Variants in TAFA5 observed in about 807,000 individuals in gnomAD.
The protein encoded by TAFA5 is TAFA chemokine like family member 5.
In TAFA5, 6 loss-of-function variants were observed where a neutral mutation model predicts 15.3. The ratio of observed to expected loss-of-function variants is 0.39; its 90% CI spans 0.21 to 0.77. The LOEUF (loss-of-function observed/expected upper bound fraction) is 0.77, where lower values mean the gene tolerates loss of function less well. Among genes scored for constraint, TAFA5 ranks in the 30% least tolerant of loss-of-function variants. The pLI, the probability that TAFA5 is intolerant of heterozygous loss-of-function variation, is 0.41. For missense variants in TAFA5, 161 were observed against 193.1 expected (o/e 0.83, Z 0.98); for synonymous variants, 103 against 80.7 (o/e 1.28, Z -1.48).
intron 1 of TAFA5, among the ~76,000 whole-genome samples, chr22:48,508,352 A>G (rs1434583437): frequency 2.0e-5 from 3 of 152,218 alleles, no homozygotes; most frequent in African/African-American, 4.8e-5. Context: ...GAGCTGGCCA[A>G]TGTGGCTACC....
intron 3 of TAFA5, among the ~76,000 whole-genome samples, chr22:48,739,070 C>T (rs747977781): frequency 1.3e-5 from 2 of 152,204 alleles, no homozygotes; most frequent in African/African-American, 2.4e-5. Context: ...TCTGCAAAAG[C>T]AGCAGCTCCA....
At chr22:48,576,433 A>G (rs367548223) in intron 1 of TAFA5, 2 of 1,336,714 alleles carry the variant, frequency 1.5e-6, no homozygotes, top group Admixed American at 3.0e-5. Flanking sequence ...CGGCGCCTGG[A>G]CCTTCGCTGC....
chr22:48,622,597 A>G lies in TAFA5; in HGVS notation c.113-24000A>G, dbSNP rs531280905. On this transcript the variant is annotated intron_variant, in intron 1 of 3. Coordinates refer to ENST00000402357, the MANE Select transcript of TAFA5 (RefSeq NM_001082967.3). ...AGCTGGCCGAGGTTGAGGCTCTGCC[A>G]AGAAGAGGGCTCGGAGGAGCCTGAC... 2.6e-5 allele frequency among the ~76,000 whole-genome samples: 4 copies of G among 152,326 alleles called. No individual in the cohort carries two copies. In the South Asian group the frequency reaches 8.3e-4, roughly 32 times the overall value.
At chr22:48,715,591 T>C (rs1929379829) in intron 3 of TAFA5, among the ~76,000 whole-genome samples, 1 of 152,200 alleles carries the variant, frequency 6.6e-6, no homozygotes, top group South Asian at 2.1e-4. Context: ...GGTGTGGTTG[T>C]GACCCCATGT....
chr22:48,741,021 C>T (rs774903732), intron 3 of TAFA5, among the ~76,000 whole-genome samples: 5 of 152,092 alleles, frequency 3.3e-5, no homozygotes, highest in Non-Finnish European at 5.9e-5. Context: ...CCAACGTCCC[C>T]GAGGATGTAG....
intron 1 of TAFA5, among the ~76,000 whole-genome samples, chr22:48,585,034 TACCACACGCAC>T (rs1291109256): frequency 3.0e-5 from 2 of 67,374 alleles, no homozygotes; most frequent in African/African-American, 1.4e-4. Context: ...ACACACTAGA[TACCACACGCAC>T]ACCACTCACA....
At chr22:48,545,626 G>T (rs1922637221) in intron 1 of TAFA5, 1 of 152,734 alleles carries the variant, frequency 6.5e-6, no homozygotes, top group Non-Finnish European at 1.5e-5. Flanking sequence ...GCTATTCCTG[G>T]GCAGACAGGG....
intron 2 of TAFA5, among the ~76,000 whole-genome samples, chr22:48,694,846 C>A (rs1156592066): frequency 7.3e-6 from 1 of 137,150 alleles, no homozygotes; most frequent in East Asian, 2.2e-4. Flanking sequence ...CCCCACCCCC[C>A]GCCGCTCCAG....
At chr22:48,577,131 C>G (rs914267070) in intron 1 of TAFA5, among the ~76,000 whole-genome samples, 1 of 152,256 alleles carries the variant, frequency 6.6e-6, no homozygotes, top group African/African-American at 2.4e-5. Context: ...GCGCAGGTCC[C>G]CGCGCCAAGT....
At chr22:48,612,587 C>T (rs891106030) in intron 1 of TAFA5, among the ~76,000 whole-genome samples, 23 of 152,126 alleles carry the variant, frequency 1.5e-4, no homozygotes, top group African/African-American at 5.1e-4. Context: ...GAGGTGCCCC[C>T]GCCCCACCTG....
chr22:48,612,090 T>C (rs73173444), intron 1 of TAFA5, among the ~76,000 whole-genome samples: 7,653 of 152,114 alleles, frequency 0.05, 218 homozygotes, highest in South Asian at 0.14. Context: ...GTGCCTGTGG[T>C]CAGGGCCAGA....
intron 3 of TAFA5, among the ~76,000 whole-genome samples, chr22:48,710,635 G>T (rs1929222877): frequency 6.6e-6 from 1 of 152,234 alleles, no homozygotes. Context: ...TGTCAGCTCA[G>T]TCCAAGCCCA....
chr22:48,679,720 GGC>G (rs1928114886), intron 2 of TAFA5, among the ~76,000 whole-genome samples: 1 of 101,672 alleles, frequency 9.8e-6, no homozygotes, highest in Admixed American at 1.2e-4. Context: ...TCCCTCTCCC[GGC>G]TCCCCGTCCA....
At chr22:48,558,061 T>C (rs1392900936) in intron 1 of TAFA5, among the ~76,000 whole-genome samples, 1 of 152,120 alleles carries the variant, frequency 6.6e-6, no homozygotes, top group Non-Finnish European at 1.5e-5. Context: ...CTTTAGATTC[T>C]GCACCTCACC....
intron 2 of TAFA5, among the ~76,000 whole-genome samples, chr22:48,667,518 C>T (rs147654113): frequency 6.6e-6 from 1 of 152,300 alleles, no homozygotes; most frequent in East Asian, 1.9e-4. Context: ...ACGTGAGTGC[C>T]CCTCCCGCCT....
rs143683205 is a variant in TAFA5 at position 48,675,173 on chromosome 22, G to T, written c.262+28427G>T. ...GCCAGGCTGGTCTCGAACTCCTGAC[G>T]TCAGGTGATCCACCCACCTCGGCCT... On this transcript the variant is annotated intron_variant, in intron 2 of 3. Coordinates refer to ENST00000402357, the MANE Select transcript of TAFA5 (RefSeq NM_001082967.3). Among the ~76,000 whole-genome samples, 1,060 of 152,266 alleles carry T rather than the reference G, an allele frequency of 7.0e-3. 14 individuals are homozygous for T. Among genetic ancestry groups the T allele is most frequent in the African/African-American group, 0.024 (1,012 of 41,566 alleles).
At chr22:48,666,847 C>T (rs1927634140) in intron 2 of TAFA5, among the ~76,000 whole-genome samples, 1 of 152,134 alleles carries the variant, frequency 6.6e-6, no homozygotes, top group Admixed American at 6.5e-5. Context: ...AGCATTCCAT[C>T]CGGAGCCCAG....
intron 2 of TAFA5, among the ~76,000 whole-genome samples, chr22:48,659,769 G>C (rs1325929119): frequency 6.0e-5 from 5 of 83,242 alleles, no homozygotes; most frequent in African/African-American, 9.7e-5. Context: ...TTTTGGTGGG[G>C]AACAAGGACC....
chr22:48,661,322 C>T (rs1927432115), intron 2 of TAFA5, among the ~76,000 whole-genome samples: 1 of 152,198 alleles, frequency 6.6e-6, no homozygotes, highest in South Asian at 2.1e-4. Context: ...TGCCCCAGCC[C>T]TCTCTCCTTG....
Sources: allele counts gnomAD v4.1 joint callset (sites outside exome capture counted in the v4.1 genomes callset), GRCh38; gene constraint gnomAD v4.1.1; transcripts MANE v1.5; gene names NCBI Gene and HGNC (gene_info 2026-07-23, HGNC 2026-07-21).